MIGA1: variants seen among roughly 807,000 people sequenced by gnomAD.
The protein encoded by MIGA1 is mitoguardin 1, also known as family with sequence similarity 73, member A.
Under a neutral mutation model 82.0 loss-of-function variants are expected in MIGA1, and 58 were observed. That is an observed-to-expected ratio of 0.71 (90% CI 0.57 to 0.88). MIGA1 has a LOEUF of 0.88. MIGA1 is among the 40% of genes least tolerant of loss of function. The pLI is 0.00. For synonymous variants in MIGA1, 249 were observed against 253.6 expected (o/e 0.98, Z 0.17); for missense variants, 751 against 749.1 (o/e 1.00, Z -0.03).
At chr1:77,801,582 T>C in intron 3 of MIGA1, 74 bp downstream of exon 3, 1 of 1,280,832 alleles carries the variant, frequency 7.8e-7, no homozygotes, top group East Asian at 2.8e-5. Context: ...TTTGGTCTTT[T>C]AGTCTCCAGA....
chr1:77,809,811 T>C (rs1015551929), intron 5 of MIGA1, among the ~76,000 whole-genome samples: 36 of 149,294 alleles, frequency 2.4e-4, no homozygotes, highest in African/African-American at 8.6e-4. Context: ...AAGTCAAAAG[T>C]AAATTATAGT....
chr1:77,793,391 T>C (rs368315143), intron 2 of MIGA1, among the ~76,000 whole-genome samples: 1 of 151,400 alleles, frequency 6.6e-6, no homozygotes, highest in South Asian at 2.1e-4. Flanking sequence ...GCATGAGCCA[T>C]GGTGCCCAGC....
At chr1:77,855,548 G>A (rs969009456) in intron 8 of MIGA1, among the ~76,000 whole-genome samples, 25 of 152,004 alleles carry the variant, frequency 1.6e-4, no homozygotes, top group Admixed American at 4.6e-4. Context: ...CCATTTGTTT[G>A]GGTCGTCTCT....
rs772612947 is a variant in MIGA1, at chr1:77,815,173, A to G, written c.837A>G (p.Gln279=). The stretch of plus-strand genomic sequence containing the variant: ...TGCTGCAAAGAGCCTATCGTCTCCA[A>G]GAGGAGTTTGAAGCTACCCTTGGGG... Residue 279 remains glutamine (Q), a synonymous_variant, in exon 7 of 16, where the codon CAA becomes CAG. Transcript: ENST00000370791. 1 of 1,610,366 alleles carries G rather than the reference A, an allele frequency of 6.2e-7. No homozygotes were observed. The highest frequency in any genetic ancestry group is 1.3e-5 in the African/African-American group (1 of 74,872).
intron 5 of MIGA1, among the ~76,000 whole-genome samples, chr1:77,808,616 C>A (rs1683197582): frequency 6.6e-6 from 1 of 152,148 alleles, no homozygotes; most frequent in African/African-American, 2.4e-5. Flanking sequence ...ACCAAATGAA[C>A]CTGTTGTTGA....
chr1:77,868,667 T>A (rs1402150249), intron 14 of MIGA1: 1 of 152,238 alleles, frequency 6.6e-6, no homozygotes, highest in Non-Finnish European at 1.5e-5. Flanking sequence ...TTGCTGAAAT[T>A]TATCTAGTCT....
chr1:77,800,076 T>A (rs1682813335), intron 2 of MIGA1, among the ~76,000 whole-genome samples: 1 of 152,130 alleles, frequency 6.6e-6, no homozygotes, highest in Admixed American at 6.6e-5. Context: ...AAGGCTTTTG[T>A]TCTTTAATGG....
chr1:77,863,456 ATACTC>A (rs1434022001), intron 12 of MIGA1, among the ~76,000 whole-genome samples: 8 of 152,168 alleles, frequency 5.3e-5, no homozygotes, highest in African/African-American at 9.7e-5. Flanking sequence ...TTTCCCCACT[ATACTC>A]TAGGCGTCTA....
intron 5 of MIGA1, among the ~76,000 whole-genome samples, chr1:77,812,782 C>T (rs1162581599): frequency 2.0e-5 from 3 of 152,004 alleles, no homozygotes; most frequent in Non-Finnish European, 4.4e-5. Flanking sequence ...AGCTTTCTCT[C>T]AGCAAGGAAA....
chr1:77,827,849 G>A (rs894798162), intron 7 of MIGA1, among the ~76,000 whole-genome samples: 1 of 152,152 alleles, frequency 6.6e-6, no homozygotes, highest in African/African-American at 2.4e-5. Context: ...AACCAGAATA[G>A]CTGCTTCTTG....
chr1:77,803,416 GA>G lies in MIGA1; in HGVS notation c.510+16del. 7.1e-7 allele frequency: 1 copy of G among 1,409,496 alleles called. No homozygotes were observed. The highest frequency in any genetic ancestry group is 9.4e-7 in the Non-Finnish European group (1 of 1,064,954). The allele number at this position is 1,409,496 out of a possible 1,614,324, so 87.3% of individuals were successfully genotyped here. ...ACAGAGTTTGGCCTCTGTAAGTACA[GA>G]AAAAATATTAATTTTTAAAATTTTT... On this transcript the variant is annotated intron_variant, in intron 4 of 15. Coordinates refer to ENST00000370791, the MANE Select transcript of MIGA1 (RefSeq NM_198549.4).
At chr1:77,850,941 C>T (rs1330738223) in intron 8 of MIGA1, among the ~76,000 whole-genome samples, 2 of 151,934 alleles carry the variant, frequency 1.3e-5, no homozygotes, top group Non-Finnish European at 2.9e-5. Flanking sequence ...ACGATCTTGC[C>T]TCACTGCAAC....
intron 7 of MIGA1, among the ~76,000 whole-genome samples, chr1:77,819,181 G>A (rs1683703602): frequency 6.6e-6 from 1 of 152,046 alleles, no homozygotes; most frequent in Non-Finnish European, 1.5e-5. Context: ...TGGGGAAAGT[G>A]AAGTACAGAG....
chr1:77,856,603 G>A (rs1685262485), intron 8 of MIGA1, among the ~76,000 whole-genome samples: 2 of 152,086 alleles, frequency 1.3e-5, no homozygotes, highest in South Asian at 4.1e-4. Flanking sequence ...TTTAAGATAG[G>A]AAGGTTGTAT....
At chr1:77,787,295 G>T (rs956520433) in intron 2 of MIGA1, among the ~76,000 whole-genome samples, 2 of 151,932 alleles carry the variant, frequency 1.3e-5, no homozygotes, top group African/African-American at 2.4e-5. Context: ...GTTTTGATTT[G>T]TATTTCCCTG....
rs762640305 is a variant in MIGA1 at position 77,858,960 on chromosome 1, G to A, written c.1019G>A (p.Arg340Gln). The A allele has an allele frequency of 6.2e-7, 1 of 1,612,512 alleles. No homozygotes were observed. Among genetic ancestry groups the A allele is most frequent in the Non-Finnish European group, 8.5e-7 (1 of 1,178,614 alleles). ...TAGCTTGCAGAACACAGAGAAGTAC[G>A]GCATACCTACAGCCTGGAGTCCCTT... The change falls in exon 9 of 16, where the codon CGG becomes CAG. Residue 340 changes from arginine to glutamine, a missense_variant. Coordinates refer to ENST00000370791, the MANE Select transcript of MIGA1 (RefSeq NM_198549.4).
intron 11 of MIGA1, 55 bp from the exon 12 acceptor site, chr1:77,861,168 TC>T: frequency 9.0e-7 from 1 of 1,108,270 alleles, no homozygotes; most frequent in Non-Finnish European, 1.4e-6. Flanking sequence ...AGAGTAACTT[TC>T]TTTGTAGCTT....
At chr1:77,798,371 A>C (rs567032307) in intron 2 of MIGA1, among the ~76,000 whole-genome samples, 1 of 152,312 alleles carries the variant, frequency 6.6e-6, no homozygotes, top group South Asian at 2.1e-4. Context: ...TATAAAGAAA[A>C]AGAGGTTTAA....
intron 8 of MIGA1, chr1:77,848,311 AAG>A (rs1275642258): frequency 3.1e-6 from 4 of 1,303,706 alleles, no homozygotes; most frequent in Admixed American, 2.0e-5. Flanking sequence ...GAGAACAAGA[AAG>A]AGAGACAACA....
Sources: allele counts gnomAD v4.1 joint callset (sites outside exome capture counted in the v4.1 genomes callset), GRCh38; gene constraint gnomAD v4.1.1; transcripts MANE v1.5; gene names NCBI Gene and HGNC (gene_info 2026-07-23, HGNC 2026-07-21).